Variants in EWSR1 observed in about 807,000 individuals in gnomAD.
EWSR1 encodes EWS RNA binding protein 1.
Under a neutral mutation model 92.1 loss-of-function variants are expected in EWSR1, and 14 were observed. The observed-to-expected ratio is 0.15, with a 90% CI of 0.10 to 0.24. The LOEUF is 0.24. Among genes scored for constraint, EWSR1 ranks in the 10% least tolerant of loss-of-function variants. The probability of loss-of-function intolerance (pLI) is 1.00; values close to 1 mark genes in which losing one functional copy is unlikely to be tolerated. For missense variants in EWSR1, 637 were observed against 870.9 expected (o/e 0.73, Z 3.38); for synonymous variants, 303 against 292.9 (o/e 1.03, Z -0.35).
At chr22:29,271,543 TTTC>T (rs1310795172) in intron 1 of EWSR1, among the ~76,000 whole-genome samples, 2 of 152,226 alleles carry the variant, frequency 1.3e-5, no homozygotes, top group African/African-American at 2.4e-5. Flanking sequence ...CTAAATGCTT[TTTC>T]TTCTTTGCCA....
chr22:29,279,498 C>T (rs2059396366), intron 5 of EWSR1, among the ~76,000 whole-genome samples: 1 of 151,970 alleles, frequency 6.6e-6, no homozygotes, highest in Non-Finnish European at 1.5e-5. Flanking sequence ...AGCTCATACC[C>T]CATGACTGGT....
At chr22:29,290,779 C>G (rs1290186768) in intron 8 of EWSR1, 17 of 915,590 alleles carry the variant, frequency 1.9e-5, no homozygotes, top group Non-Finnish European at 2.3e-5. Flanking sequence ...AGGTGCAATA[C>G]TGGTTAGAAA....
chr22:29,290,254 T>C (rs1245008855), intron 8 of EWSR1: 2 of 604,008 alleles, frequency 3.3e-6, no homozygotes, highest in African/African-American at 1.9e-5. Flanking sequence ...GTTGCCCCCC[T>C]TTTTATTGTG....
chr22:29,298,331 C>CTT (rs1234325347), intron 13 of EWSR1, among the ~76,000 whole-genome samples: 2 of 152,132 alleles, frequency 1.3e-5, no homozygotes, highest in Non-Finnish European at 2.9e-5. Flanking sequence ...CGTGGTGAAA[C>CTT]TCCCTCTCTA....
At position 29,292,599 on chromosome 22, in the gene EWSR1, T is replaced by C. The variant is rs766538628; in HGVS notation, c.1157T>C (p.Val386Ala). ...GCAGACTTCTTTAAGCAGTGTGGGGTTGTTAAGGTCAGTAAAAGCATAACC... is the reference window on the plus strand; with the variant it reads ...GCAGACTTCTTTAAGCAGTGTGGGGCTGTTAAGGTCAGTAAAAGCATAACC... ...DLADFFKQCG[V>A]VKMNKRTGQP... The change falls in exon 11 of 17, where the codon GTT (valine) becomes GCT (alanine). Residue 386 changes from valine to alanine, a missense_variant. Physicochemically the swap from Val to Ala is moderately conservative, Grantham distance 64. Transcript: ENST00000397938. 7 of 1,607,568 alleles carry C rather than the reference T, an allele frequency of 4.4e-6. No homozygotes were observed. In the Admixed American group the frequency reaches 1.2e-4, roughly 27 times the overall value.
intron 5 of EWSR1, among the ~76,000 whole-genome samples, chr22:29,278,838 T>C (rs1267432180): frequency 7.8e-6 from 1 of 128,652 alleles, no homozygotes; most frequent in Non-Finnish European, 1.7e-5. Context: ...AAAAAAAAAA[T>C]AGAAAAATTA....
chr22:29,279,123 G>A (rs1206241212), intron 5 of EWSR1, among the ~76,000 whole-genome samples: 4 of 151,998 alleles, frequency 2.6e-5, no homozygotes, highest in South Asian at 2.1e-4. Flanking sequence ...CAGAAGAAGA[G>A]AGAGAGAGAG....
intron 4 of EWSR1, chr22:29,274,461 A>C: frequency 1.7e-6 from 1 of 590,790 alleles, no homozygotes; most frequent in Non-Finnish European, 3.0e-6. Context: ...CCTATTCTTT[A>C]TATGATTTTG....
intron 15 of EWSR1, 90 bp from the exon 16 acceptor site, chr22:29,299,509 T>A (rs1190604023): frequency 2.0e-6 from 3 of 1,501,668 alleles, no homozygotes; most frequent in Non-Finnish European, 2.7e-6. Flanking sequence ...TGTTCTGCTG[T>A]GAGAGAAGGA....
At chr22:29,280,410 C>G (rs16987361) in intron 5 of EWSR1, among the ~76,000 whole-genome samples, 1,921 of 152,188 alleles carry the variant, frequency 0.013, 54 homozygotes, top group African/African-American at 0.045. Context: ...ATTAATAGCT[C>G]TAACTCAGTC....
At chr22:29,274,394 C>A in intron 4 of EWSR1, 3 of 1,180,428 alleles carry the variant, frequency 2.5e-6, no homozygotes, top group Non-Finnish European at 3.8e-6. Flanking sequence ...TTTCTAACAT[C>A]ACACACAGCA....
rs750161964 is a variant in EWSR1 at position 29,288,625 on chromosome 22, C to T, written c.813C>T (p.His271=). 1.2e-6 allele frequency: 2 copies of T among 1,612,850 alleles called. No individual in the cohort carries two copies. The highest frequency in any genetic ancestry group is 1.3e-5 in the African/African-American group (1 of 74,994). Residue 271 remains histidine (H), a synonymous_variant, in exon 8 of 17, where the codon CAC becomes CAT. Coordinates refer to ENST00000397938, the MANE Select transcript of EWSR1 (RefSeq NM_005243.4). ...CCTCAGGTTCATTCCGACAGGACCA[C>T]CCCAGTAGCATGGGTGTTTATGGGC... ...YGQQSSFRQD[H]PSSMGVYGQE... is the part of the protein sequence containing the mutation.
chr22:29,278,346 G>C, intron 5 of EWSR1, 130 bp downstream of exon 5: 1 of 832,030 alleles, frequency 1.2e-6, no homozygotes, highest in Non-Finnish European at 1.9e-6. Context: ...GATGTTCACT[G>C]TTAGTAACTG....
At chr22:29,269,368 G>A (rs1316412362) in intron 1 of EWSR1, 4 of 152,242 alleles carry the variant, frequency 2.6e-5, no homozygotes, top group Non-Finnish European at 4.4e-5. Context: ...AGCCCCGGTT[G>A]GGAACTCCAA....
At chr22:29,296,134 C>T in intron 11 of EWSR1, 105 bp from the exon 12 acceptor site, 1 of 1,106,962 alleles carries the variant, frequency 9.0e-7, no homozygotes, top group Non-Finnish European at 1.3e-6. Flanking sequence ...CATTTAGTGA[C>T]TTACTACATG....
intron 14 of EWSR1, 111 bp downstream of exon 14, chr22:29,299,006 T>G (rs2061117678): frequency 7.4e-7 from 1 of 1,349,140 alleles, no homozygotes; most frequent in Admixed American, 2.4e-5. Context: ...ATGATGACCC[T>G]GATGGCTGGT....
At chr22:29,268,708 G>A (rs1205462903) in intron 1 of EWSR1, among the ~76,000 whole-genome samples, 2 of 152,236 alleles carry the variant, frequency 1.3e-5, no homozygotes, top group Non-Finnish European at 2.9e-5. Context: ...ATTTGGCCAG[G>A]CCTCAAGCCG....
chr22:29,282,701 T>G, intron 6 of EWSR1, 144 bp downstream of exon 6: 1 of 576,724 alleles, frequency 1.7e-6, no homozygotes, highest in Non-Finnish European at 2.8e-6. Context: ...TTGGTTACAT[T>G]AAAGCCTGAG....
At chr22:29,270,985 C>T (rs1326594964) in intron 1 of EWSR1, among the ~76,000 whole-genome samples, 1 of 152,038 alleles carries the variant, frequency 6.6e-6, no homozygotes, top group East Asian at 1.9e-4. Flanking sequence ...GAAAGTAGTC[C>T]AGTAAAGTAC....
Sources: allele counts gnomAD v4.1 joint callset (sites outside exome capture counted in the v4.1 genomes callset), GRCh38; gene constraint gnomAD v4.1.1; transcripts MANE v1.5; gene names NCBI Gene and HGNC (gene_info 2026-07-23, HGNC 2026-07-21).